MYBBP1A: variants seen among roughly 807,000 people sequenced by gnomAD.
MYBBP1A encodes the protein MYB binding protein 1a, also known as myb-binding protein 1A.
A neutral mutation model predicts 136.3 loss-of-function variants in MYBBP1A; 147 were observed. That is an observed-to-expected ratio of 1.08 (90% CI 0.94 to 1.24). The LOEUF is 1.24. MYBBP1A is among the 50% of genes most tolerant of loss of function. MYBBP1A has a pLI of 0.00. For missense variants in MYBBP1A, 2,060 were observed against 1,727.4 expected (o/e 1.19, Z -3.41); for synonymous variants, 947 against 735.8 (o/e 1.29, Z -4.65).
At chr17:4,551,506 C>T (rs573639582) in intron 8 of MYBBP1A, among the ~76,000 whole-genome samples, 10 of 152,322 alleles carry the variant, frequency 6.6e-5, no homozygotes, top group African/African-American at 1.7e-4. Flanking sequence ...GTCAGGAGTT[C>T]GAGACCAGCC....
chr17:4,548,396 C>T lies in MYBBP1A; in HGVS notation c.1557-86G>A, dbSNP rs1907192956. ...CCGCCCTCCCCAGGGCTCGGTCTCCCGCCTCTCCAGGACCTACTAGAACTC... is the reference window on the plus strand; with the variant it reads ...CCGCCCTCCCCAGGGCTCGGTCTCCTGCCTCTCCAGGACCTACTAGAACTC... On this transcript the variant is annotated intron_variant, in intron 11 of 25. Transcript: ENST00000254718. This position sits in a 1 kb window ranked among gnomAD's most constrained non-coding sequence, Gnocchi z 4.2. The T allele has an allele frequency of 1.9e-6, 3 of 1,603,310 alleles. No homozygotes were observed. The highest frequency in any genetic ancestry group is 2.2e-5 in the South Asian group (2 of 90,738).
At position 4,552,004 on chromosome 17, in the gene MYBBP1A, G is replaced by C. The variant is rs201631635; in HGVS notation, c.906-7C>G. ...CAGGCGGAAACACAGGTAGCTAAAG[G>C]GGGTGCAGGACAGAGCCTGGTCAGA... On this transcript the variant is annotated splice_polypyrimidine_tract_variant and splice_region_variant and intron_variant, in intron 7 of 25. Transcript: ENST00000254718. This position sits in a 1 kb window ranked among gnomAD's most constrained non-coding sequence, Gnocchi z 4.7. The C allele has an allele frequency of 5.0e-6, 8 of 1,606,614 alleles. No individual in the cohort carries two copies. Among genetic ancestry groups the C allele is most frequent in the African/African-American group, 2.7e-5 (2 of 74,872 alleles).
At position 4,554,188 on chromosome 17, in the gene MYBBP1A, C is replaced by T. The variant is rs201522601; in HGVS notation, c.378+7G>A. 1.3e-4 allele frequency: 214 copies of T among 1,613,874 alleles called. No individual in the cohort carries two copies. Among genetic ancestry groups the T allele is most frequent in the Admixed American group, 6.2e-4 (37 of 60,002 alleles). ...GGGGCTGCTGACCTCCCTGGCCCCA[C>T]TCTCACCTTCTTCACCTGATGCAGG... is the stretch of plus-strand genomic sequence containing the variant. On this transcript the variant is annotated splice_region_variant and intron_variant, in intron 3 of 25. Transcript: ENST00000254718.
chr17:4,549,527 A>G, intron 9 of MYBBP1A, 85 bp from the exon 10 acceptor site: 2 of 1,271,782 alleles, frequency 1.6e-6, no homozygotes, highest in Non-Finnish European at 2.2e-6. Context: ...CTGTAATCCC[A>G]GCACTTTGGG....
At position 4,550,130 on chromosome 17, in the gene MYBBP1A, TG is replaced by T; in HGVS notation, c.1246del (p.Gln416SerfsTer33). 1 of 1,613,978 alleles carries T rather than the reference TG, an allele frequency of 6.2e-7. No homozygotes were observed. Among genetic ancestry groups the T allele is most frequent in the South Asian group, 1.1e-5 (1 of 91,078 alleles). On this transcript the variant is annotated frameshift_variant, in exon 9 of 26. Transcript: ENST00000254718. LOFTEE classifies it high-confidence loss of function. Reference sequence around the variant, plus strand: ...GTCAACCAAGGAGTCCAGGTCTGGCTGGAGAAACATGGCCCGCAGCCAGGCC... The same window carrying T: ...GTCAACCAAGGAGTCCAGGTCTGGCTGAGAAACATGGCCCGCAGCCAGGCC... ...YVAWLRAMFL[Q>X]PDLDSLVDFS...
At position 4,539,341 on chromosome 17, in the gene MYBBP1A, GT is replaced by G. The variant is rs201723287; in HGVS notation, c.*73del. The G allele has an allele frequency of 1.7e-4, 216 of 1,258,316 alleles. No homozygotes were observed. The highest frequency in any genetic ancestry group is 2.1e-4 in the Non-Finnish European group (203 of 947,524). 77.9% of individuals were successfully genotyped at this position (1,258,316 alleles called of 1,614,324 possible). A position where few individuals can be genotyped will look rare whatever the true frequency, so the allele number is the denominator to read the frequency against. On this transcript the variant is annotated 3_prime_UTR_variant, in exon 26 of 26. Coordinates refer to ENST00000254718, the MANE Select transcript of MYBBP1A (RefSeq NM_014520.4). ...AAACAGCTTGCGTATTAAAATCATG[GT>G]TTAAAAAAAAAAAAAAAAAATAGGC... is the stretch of plus-strand genomic sequence containing the variant.
Position 4,548,039 on chromosome 17 carries a change from C to A in MYBBP1A, c.1743G>T (p.Lys581Asn). 1 of 1,565,648 alleles carries A rather than the reference C, an allele frequency of 6.4e-7. No homozygotes were observed. Residue 581 changes from lysine (K) to asparagine (N), a missense_variant, in exon 13 of 26, where the codon AAG (lysine) becomes AAT (asparagine). Transcript: ENST00000254718. This position sits in a 1 kb window ranked among gnomAD's most constrained non-coding sequence, Gnocchi z 4.2. ...CCTCTGCGGAGTGGGCCTCCAGCTCCTTCAGAGTCTGCAGCATCCTGCGGG... is the reference window on the plus strand; with the variant it reads ...CCTCTGCGGAGTGGGCCTCCAGCTCATTCAGAGTCTGCAGCATCCTGCGGG... ...QAWDRMLQTLKELEAHSAEAR... is the reference protein window; with the variant it reads ...QAWDRMLQTLNELEAHSAEAR...
intron 19 of MYBBP1A, chr17:4,543,419 C>G: frequency 1.9e-6 from 1 of 521,502 alleles, no homozygotes; most frequent in Non-Finnish European, 3.4e-6. Context: ...GCACCAAGGG[C>G]CAACTGCCTG....
intron 10 of MYBBP1A, 37 bp downstream of exon 10, chr17:4,549,295 C>G: frequency 6.3e-7 from 1 of 1,588,172 alleles, no homozygotes. Context: ...CTTGGCCACA[C>G]GCCCATGGGA....
rs200728167 is a variant in MYBBP1A, at chr17:4,553,839, G to C, written c.532C>G (p.Arg178Gly). The change falls in exon 5 of 26, where the codon CGG becomes GGG. Residue 178 changes from arginine (R) to glycine (G), a missense_variant. By Grantham distance (125) the Arg-to-Gly change is moderately radical. Coordinates refer to ENST00000254718, the MANE Select transcript of MYBBP1A (RefSeq NM_014520.4). ...QYQNHLQEQPRKALVDILSEV... is the reference protein window; with the variant it reads ...QYQNHLQEQPGKALVDILSEV... Reference sequence around the variant, plus strand: ...GAGAGGATGTCCACCAGGGCCTTCCGGGGCTGCTCCTGCAAGTGGTTTTGG... The same window carrying C: ...GAGAGGATGTCCACCAGGGCCTTCCCGGGCTGCTCCTGCAAGTGGTTTTGG... 7.1e-5 allele frequency: 115 copies of C among 1,614,024 alleles called. No homozygotes were observed. In the African/African-American group the frequency reaches 7.3e-4, roughly 10 times the overall value.
chr17:4,546,352 C>T lies in MYBBP1A; in HGVS notation c.1825-410G>A, dbSNP rs553840443. Reference sequence around the variant, plus strand: ...CAGGCTGGTCTTGAACTCCTGACCTCGTGATCCACCCCCTTGCCCCCCTTG... The same window carrying T: ...CAGGCTGGTCTTGAACTCCTGACCTTGTGATCCACCCCCTTGCCCCCCTTG... On this transcript the variant is annotated intron_variant, in intron 13 of 25. Coordinates refer to ENST00000254718, the MANE Select transcript of MYBBP1A (RefSeq NM_014520.4). Among the ~76,000 whole-genome samples the T allele has an allele frequency of 4.6e-5, 7 of 152,286 alleles. No individual in the cohort carries two copies. In the South Asian group the frequency reaches 6.2e-4, roughly 14 times the overall value.
Position 4,543,023 on chromosome 17 carries a change from G to A in MYBBP1A, c.2782C>T (p.Leu928Phe), listed in dbSNP as rs1387305963. Residue 928 changes from leucine (L) to phenylalanine (F), a missense_variant, in exon 20 of 26, where the codon CTC (leucine) becomes TTC (phenylalanine). Leu to Phe is a conservative substitution (Grantham distance 22). Coordinates refer to ENST00000254718, the MANE Select transcript of MYBBP1A (RefSeq NM_014520.4). ...PTALYHFNASLYLLRVLKGNT... is the reference protein window; with the variant it reads ...PTALYHFNASFYLLRVLKGNT... Reference sequence around the variant, plus strand: ...CCCTTCAAGACCCGGAGCAGGTAGAGAGAGGCGTTGAAGTGGTAGAGGGCG... The same window carrying A: ...CCCTTCAAGACCCGGAGCAGGTAGAAAGAGGCGTTGAAGTGGTAGAGGGCG... The A allele has an allele frequency of 1.2e-6, 2 of 1,613,786 alleles. No homozygotes were observed. The highest frequency in any genetic ancestry group is 4.5e-5 in the East Asian group (2 of 44,888).
At chr17:4,554,315 G>T in intron 2 of MYBBP1A, 37 bp from the exon 3 acceptor site, 1 of 1,587,612 alleles carries the variant, frequency 6.3e-7, no homozygotes, top group African/African-American at 1.3e-5. Context: ...AGAGGGTTCA[G>T]GAGAGTGGCC....
rs1428858087 is a variant in MYBBP1A at position 4,539,401 on chromosome 17, G to A, written c.*14C>T. The A allele has an allele frequency of 3.1e-6, 5 of 1,596,024 alleles. No individual in the cohort carries two copies. The African/African-American group carries it at 4.0e-5, about 13-fold the overall frequency. On this transcript the variant is annotated 3_prime_UTR_variant, in exon 26 of 26. Transcript: ENST00000254718. ...CAGATGGAGGCAGGGGCTGAGGGGG[G>A]CCCGTACCTGTGCTCAGGGCTTCCC...
chr17:4,550,604 C>A (rs1907427144), intron 8 of MYBBP1A, among the ~76,000 whole-genome samples: 2 of 152,274 alleles, frequency 1.3e-5, no homozygotes, highest in African/African-American at 4.8e-5. Flanking sequence ...GGCGTCAAGG[C>A]CTCTGTGGGT....
At position 4,539,349 on chromosome 17, in the gene MYBBP1A, A is replaced by T; in HGVS notation, c.*66T>A. On this transcript the variant is annotated 3_prime_UTR_variant, in exon 26 of 26. Transcript: ENST00000254718. ...TGCGTATTAAAATCATGGTTTAAAAAAAAAAAAAAAAAATAGGCGTCTCAG... is the reference window on the plus strand; with the variant it reads ...TGCGTATTAAAATCATGGTTTAAAATAAAAAAAAAAAAATAGGCGTCTCAG... 6.1e-6 allele frequency: 9 copies of T among 1,486,358 alleles called. No homozygotes were observed. The highest frequency in any genetic ancestry group is 4.6e-5 in the East Asian group (2 of 43,372). The allele number at this position is 1,486,358 out of a possible 1,614,324, so 92.1% of individuals were successfully genotyped here.
Position 4,554,132 on chromosome 17 carries a change from G to C in MYBBP1A, c.379-39C>G, listed in dbSNP as rs200781053. ...CCAGGCACAGGCATGAGGGGCCCTG[G>C]AACTCCCCATTCCCCAAGCCTCCCA... On this transcript the variant is annotated intron_variant, in intron 3 of 25. Transcript: ENST00000254718. 46 of 1,613,452 alleles carry C rather than the reference G, an allele frequency of 2.9e-5. No individual in the cohort carries two copies. The East Asian group carries it at 1.0e-3, about 35-fold the overall frequency.
At chr17:4,546,218 A>G (rs1195156248) in intron 13 of MYBBP1A, among the ~76,000 whole-genome samples, 2 of 152,164 alleles carry the variant, frequency 1.3e-5, no homozygotes, top group Non-Finnish European at 2.9e-5. Context: ...TCCCAGGTTC[A>G]AGCCATTCTC....
intron 17 of MYBBP1A, 30 bp downstream of exon 17, chr17:4,544,996 G>GC: frequency 7.2e-6 from 5 of 697,872 alleles, no homozygotes; most frequent in Admixed American, 4.5e-5. Context: ...GCCCTCCCCG[G>GC]CCGCCCCCCC....
Sources: allele counts gnomAD v4.1 joint callset (sites outside exome capture counted in the v4.1 genomes callset), GRCh38; gene constraint gnomAD v4.1.1; non-coding constraint Gnocchi (gnomAD v3.1); transcripts MANE v1.5; gene names NCBI Gene and HGNC (gene_info 2026-07-23, HGNC 2026-07-21).